The following CCDC25 variants were observed in gnomAD, a reference collection of about 807,000 sequenced individuals.
CCDC25 encodes coiled-coil domain-containing protein 25.
In CCDC25, 16 loss-of-function variants were observed where a neutral mutation model predicts 35.3. The ratio of observed to expected loss-of-function variants is 0.45; its 90% CI spans 0.31 to 0.69. CCDC25 has a LOEUF of 0.69. Among genes scored for constraint, CCDC25 ranks in the 30% least tolerant of loss-of-function variants. The pLI is 0.06. For synonymous variants in CCDC25, 79 were observed against 80.3 expected (o/e 0.98, Z 0.09); for missense variants, 179 against 250.7 (o/e 0.71, Z 1.93).
chr8:27,771,178 T>A (rs1168277983), intron 1 of CCDC25, among the ~76,000 whole-genome samples: 2 of 152,092 alleles, frequency 1.3e-5, no homozygotes, highest in Non-Finnish European at 2.9e-5. Context: ...CAAACACCAT[T>A]GCGTTACCAT....
At chr8:27,765,845 T>C (rs1407523159) in intron 1 of CCDC25, among the ~76,000 whole-genome samples, 1 of 152,236 alleles carries the variant, frequency 6.6e-6, no homozygotes, top group African/African-American at 2.4e-5. Context: ...CATCTAATTA[T>C]GCCCCAGCTC....
rs1043210315 is a variant in CCDC25 at position 27,733,953 on chromosome 8, A to T, written c.*2263T>A. 22 of 152,334 alleles carry T rather than the reference A, an allele frequency of 1.4e-4. No homozygotes were observed. Among genetic ancestry groups the T allele is most frequent in the African/African-American group, 5.3e-4 (22 of 41,580 alleles). The allele number at this position is 152,334 out of a possible 1,614,324, so 9.4% of individuals were successfully genotyped here. The stretch of plus-strand genomic sequence containing the variant: ...TCCTGCTGTGTGTATGGCTCACACC[A>T]TCTTTCCTGAGTGGGGAAAACCGCT... On this transcript the variant is annotated 3_prime_UTR_variant, in exon 9 of 9. Transcript: ENST00000356537.
chr8:27,752,158 T>C (rs1803833860), intron 5 of CCDC25, among the ~76,000 whole-genome samples: 1 of 152,216 alleles, frequency 6.6e-6, no homozygotes, highest in African/African-American at 2.4e-5. Flanking sequence ...AATAAAGCCA[T>C]AAAACACATT....
intron 7 of CCDC25, among the ~76,000 whole-genome samples, chr8:27,743,772 T>C (rs1803515689): frequency 6.6e-6 from 1 of 152,192 alleles, no homozygotes; most frequent in Non-Finnish European, 1.5e-5. Context: ...AGTGAGTCTG[T>C]AGTCCCAGCT....
At chr8:27,772,409 C>G in intron 1 of CCDC25, 104 bp downstream of exon 1, 1 of 1,181,118 alleles carries the variant, frequency 8.5e-7, no homozygotes, top group Non-Finnish European at 1.2e-6. Context: ...CACTCGCATC[C>G]AGAAGGCATT....
At chr8:27,759,045 C>T (rs1414230176) in intron 3 of CCDC25, among the ~76,000 whole-genome samples, 1 of 152,134 alleles carries the variant, frequency 6.6e-6, no homozygotes, top group Non-Finnish European at 1.5e-5. Context: ...AAGAAGCAAA[C>T]GACTTCTCCA....
rs1262550874 is a variant in CCDC25 at position 27,734,517 on chromosome 8, C to G, written c.*1699G>C. On this transcript the variant is annotated 3_prime_UTR_variant, in exon 9 of 9. Transcript: ENST00000356537. ...CCTCAAAAGAAAATTTCCTTGCTTT[C>G]CCTGGGACCAACAGAGATGGGGAAA... 1.3e-5 allele frequency: 2 copies of G among 152,136 alleles called. No individual in the cohort carries two copies. The highest frequency in any genetic ancestry group is 4.8e-5 in the African/African-American group (2 of 41,420). The allele number at this position is 152,136 out of a possible 1,614,324, so 9.4% of individuals were successfully genotyped here.
intron 1 of CCDC25, among the ~76,000 whole-genome samples, chr8:27,770,460 G>C (rs776337334): frequency 1.3e-5 from 2 of 150,354 alleles, no homozygotes; most frequent in African/African-American, 4.9e-5. Context: ...CCTTTAGACC[G>C]GGCGCAGTGG....
In CCDC25 at chr8:27,772,612, C is replaced by G. The variant is rs1804672705; in HGVS notation, c.-72G>C. 10 of 1,477,786 alleles carry G rather than the reference C, an allele frequency of 6.8e-6. No individual in the cohort carries two copies. Among genetic ancestry groups the G allele is most frequent in the Non-Finnish European group, 9.2e-6 (10 of 1,086,360 alleles). The allele number at this position is 1,477,786 out of a possible 1,614,324, so 91.5% of individuals were successfully genotyped here. A position where few individuals can be genotyped will look rare whatever the true frequency, so the allele number is the denominator to read the frequency against. Reference sequence around the variant, plus strand: ...AACTCACGAAGCTCAGGATACCAGACTCGCGGCGGCCGCCTGGCCCCCGGA... The same window carrying G: ...AACTCACGAAGCTCAGGATACCAGAGTCGCGGCGGCCGCCTGGCCCCCGGA... On this transcript the variant is annotated 5_prime_UTR_variant, in exon 1 of 9. Transcript: ENST00000356537.
intron 5 of CCDC25, among the ~76,000 whole-genome samples, chr8:27,748,884 T>G (rs1002329043): frequency 3.5e-5 from 5 of 140,912 alleles, no homozygotes; most frequent in Non-Finnish European, 6.3e-5. Flanking sequence ...TATCATTGAG[T>G]TTTTTTTTCA....
chr8:27,765,479 T>C (rs964751081), intron 1 of CCDC25, among the ~76,000 whole-genome samples: 8 of 152,248 alleles, frequency 5.3e-5, no homozygotes, highest in Middle Eastern at 3.4e-3. Flanking sequence ...ACGGAGATTG[T>C]AGGTGACTCA....
intron 7 of CCDC25, among the ~76,000 whole-genome samples, chr8:27,743,316 G>T (rs1395939100): frequency 6.6e-6 from 1 of 152,190 alleles, no homozygotes; most frequent in East Asian, 1.9e-4. Flanking sequence ...TCAGCAAAGT[G>T]ACCTTCTCAA....
chr8:27,769,726 T>C lies in CCDC25; in HGVS notation c.28+2787A>G, dbSNP rs148925008. Among the ~76,000 whole-genome samples, 1,197 of 152,320 alleles carry C rather than the reference T, an allele frequency of 7.9e-3. 14 individuals are homozygous for C. The highest frequency in any genetic ancestry group is 0.027 in the African/African-American group (1,133 of 41,558). On this transcript the variant is annotated intron_variant, in intron 1 of 8. Transcript: ENST00000356537. The stretch of plus-strand genomic sequence containing the variant: ...TGAGAAAAATAAGGAGATGTCAGTG[T>C]GATGAAGGTGGAAGAGTAGGGTCTG...
chr8:27,762,024 C>G (rs1804245645), intron 3 of CCDC25, among the ~76,000 whole-genome samples: 1 of 152,162 alleles, frequency 6.6e-6, no homozygotes, highest in Non-Finnish European at 1.5e-5. Context: ...TCCTTTAAAG[C>G]TGGACCAGTA....
intron 7 of CCDC25, among the ~76,000 whole-genome samples, chr8:27,744,895 A>C (rs868812050): frequency 6.6e-5 from 10 of 152,350 alleles, no homozygotes; most frequent in Middle Eastern, 3.4e-3. Flanking sequence ...GTCAATGTTC[A>C]AATTGATGAT....
In CCDC25 at chr8:27,752,519, G is replaced by A. The variant is rs879402984; in HGVS notation, c.237C>T (p.Ser79=). Residue 79 remains serine (S), a synonymous_variant, in exon 5 of 9, where the codon AGC becomes AGT. Transcript: ENST00000356537. ...MDCAHLVKAN[S]IQGCKMNNVN... ...ACCTCTAGGAAAACTGACCTTGAAT[G>A]CTATTGGCCTTCACAAGGTGGGCAC... 3 of 1,612,480 alleles carry A rather than the reference G, an allele frequency of 1.9e-6. No individual in the cohort carries two copies. The highest frequency in any genetic ancestry group is 2.5e-6 in the Non-Finnish European group (3 of 1,178,704).
chr8:27,761,300 TGGA>T (rs1418347778), intron 3 of CCDC25, among the ~76,000 whole-genome samples: 1 of 152,160 alleles, frequency 6.6e-6, no homozygotes, highest in Non-Finnish European at 1.5e-5. Context: ...AGCAGCAGCC[TGGA>T]GAAGACAGAA....
chr8:27,772,251 G>A (rs1804650294), intron 1 of CCDC25, among the ~76,000 whole-genome samples: 1 of 152,314 alleles, frequency 6.6e-6, no homozygotes, highest in Admixed American at 6.5e-5. Context: ...ACGTCTTTCC[G>A]ATTAGGGGAC....
intron 4 of CCDC25, 35 bp from the exon 5 acceptor site, chr8:27,752,622 C>T: frequency 6.6e-7 from 1 of 1,522,868 alleles, no homozygotes; most frequent in African/African-American, 1.4e-5. Context: ...GGTCCACTAC[C>T]TCATTATCCA....
Sources: allele counts gnomAD v4.1 joint callset (sites outside exome capture counted in the v4.1 genomes callset), GRCh38; gene constraint gnomAD v4.1.1; transcripts MANE v1.5; gene names NCBI Gene and HGNC (gene_info 2026-07-23, HGNC 2026-07-21).